Variants in JAM3 observed in about 807,000 individuals in gnomAD.
JAM3 encodes junctional adhesion molecule 3, also known as junctional adhesion molecule C.
JAM3 carries 31 observed loss-of-function variants against 39.4 expected under a neutral mutation model. The observed-to-expected ratio is 0.79, with a 90% CI of 0.59 to 1.06. The LOEUF (loss-of-function observed/expected upper bound fraction) is 1.06, where lower values mean the gene tolerates loss of function less well. Among genes scored for constraint, JAM3 ranks in the 50% least tolerant of loss-of-function variants. The probability of loss-of-function intolerance (pLI) is 0.00; values close to 1 mark genes in which losing one functional copy is unlikely to be tolerated. For synonymous variants in JAM3, 182 were observed against 148.7 expected, an observed-to-expected ratio of 1.22 and a Z score of -1.63; for missense variants, 455 against 391.4, an observed-to-expected ratio of 1.16 and a Z score of -1.37.
intron 1 of JAM3, among the ~76,000 whole-genome samples, chr11:134,117,129 A>T (rs1942450470): frequency 6.6e-6 from 1 of 152,076 alleles, no homozygotes; most frequent in Admixed American, 6.5e-5. Context: ...TGGGAGGCTG[A>T]GGTGGGTGGA....
chr11:134,099,113 A>G (rs1366874138), intron 1 of JAM3, among the ~76,000 whole-genome samples: 1 of 152,054 alleles, frequency 6.6e-6, no homozygotes, highest in Non-Finnish European at 1.5e-5. Flanking sequence ...AAGTGGGAGG[A>G]TTACCTGAGC....
At chr11:134,093,300 C>T (rs927841657) in intron 1 of JAM3, among the ~76,000 whole-genome samples, 1 of 136,132 alleles carries the variant, frequency 7.3e-6, no homozygotes, top group Non-Finnish European at 1.6e-5. Flanking sequence ...TTCCACCTTA[C>T]ATCTTATTCA....
At chr11:134,145,397 G>A (rs894273593) in intron 5 of JAM3, 1 of 335,994 alleles carries the variant, frequency 3.0e-6, no homozygotes, top group African/African-American at 2.1e-5. Context: ...GTCTTGTAGA[G>A]ATACTGAAGT....
chr11:134,091,585 G>A (rs747183615), intron 1 of JAM3, among the ~76,000 whole-genome samples: 2 of 151,372 alleles, frequency 1.3e-5, no homozygotes, highest in African/African-American at 4.9e-5. Context: ...AGCTACGATT[G>A]TGTCACTGCA....
intron 1 of JAM3, among the ~76,000 whole-genome samples, chr11:134,084,532 A>G (rs184891933): frequency 1.3e-5 from 2 of 152,258 alleles, no homozygotes; most frequent in African/African-American, 4.8e-5. Context: ...ATTCATGTGA[A>G]GTGCTTAGCA....
chr11:134,111,886 A>G (rs1942318996), intron 1 of JAM3, among the ~76,000 whole-genome samples: 1 of 152,182 alleles, frequency 6.6e-6, no homozygotes, highest in Non-Finnish European at 1.5e-5. Context: ...CTCAGTTATA[A>G]TGGAAGCCCA....
chr11:134,117,477 C>T (rs1942458971), intron 1 of JAM3, among the ~76,000 whole-genome samples: 1 of 152,204 alleles, frequency 6.6e-6, no homozygotes, highest in Admixed American at 6.5e-5. Context: ...GCAGTCTGTT[C>T]TACCTCAGGA....
intron 1 of JAM3, among the ~76,000 whole-genome samples, chr11:134,092,640 A>G (rs1366923436): frequency 1.3e-4 from 16 of 125,402 alleles, no homozygotes; most frequent in South Asian, 2.9e-4. Flanking sequence ...CATCTTATTC[A>G]TCATGTTCCA....
At position 134,084,328 on chromosome 11, in the gene JAM3, A is replaced by T. The variant is rs1941712336; in HGVS notation, c.76+15169A>T. 2.0e-5 allele frequency among the ~76,000 whole-genome samples: 3 copies of T among 152,232 alleles called. No homozygotes were observed. The South Asian group carries it at 6.2e-4, about 32-fold the overall frequency. ...ATTCCTATCATGAAGGAGCATAGCT[A>T]GACCGAGGTTTGAATCTCATCTCCG... On this transcript the variant is annotated intron_variant, in intron 1 of 8. Coordinates refer to ENST00000299106, the MANE Select transcript of JAM3 (RefSeq NM_032801.5).
intron 5 of JAM3, 46 bp downstream of exon 5, chr11:134,145,040 G>A (rs1591808464): frequency 7.1e-7 from 1 of 1,414,210 alleles, no homozygotes; most frequent in East Asian, 2.3e-5. Context: ...CTTTGTTGGG[G>A]CAAGAGATGC....
chr11:134,103,545 C>T (rs1008332139), intron 1 of JAM3, among the ~76,000 whole-genome samples: 1 of 152,152 alleles, frequency 6.6e-6, no homozygotes, highest in African/African-American at 2.4e-5. Flanking sequence ...GCTAAATGCT[C>T]CAATTAAAAG....
chr11:134,111,651 A>G (rs918446934), intron 1 of JAM3, among the ~76,000 whole-genome samples: 1 of 152,176 alleles, frequency 6.6e-6, no homozygotes, highest in Non-Finnish European at 1.5e-5. Flanking sequence ...ATGAGACCCT[A>G]CAATGTACCA....
At chr11:134,114,269 C>T (rs546885564) in intron 1 of JAM3, among the ~76,000 whole-genome samples, 148 of 152,322 alleles carry the variant, frequency 9.7e-4, no homozygotes, top group Middle Eastern at 3.4e-3. Flanking sequence ...AGTCCTTGCC[C>T]ATGCCTATGT....
intron 1 of JAM3, among the ~76,000 whole-genome samples, chr11:134,075,969 AT>A (rs1941562335): frequency 6.6e-6 from 1 of 151,530 alleles, no homozygotes. Context: ...TTCTTTATTC[AT>A]TTTTGTTTTA....
At chr11:134,116,189 ATAAT>A (rs757478758) in intron 1 of JAM3, among the ~76,000 whole-genome samples, 74 of 152,302 alleles carry the variant, frequency 4.9e-4, no homozygotes, top group Non-Finnish European at 7.1e-4. Context: ...AATTACCATA[ATAAT>A]TAATAAATAT....
Position 134,078,222 on chromosome 11 carries a change from C to T in JAM3, c.76+9063C>T, listed in dbSNP as rs371232808. Among the ~76,000 whole-genome samples the T allele has an allele frequency of 2.9e-3, 444 of 151,710 alleles. 3 individuals are homozygous for T. Among genetic ancestry groups the T allele is most frequent in the African/African-American group, 9.9e-3 (408 of 41,372 alleles). On this transcript the variant is annotated intron_variant, in intron 1 of 8. Transcript: ENST00000299106. ...GCAACCACCACCTTCCAAGTTCAAG[C>T]GATTCTCCCGCCTCAGCCTCCTGAG...
chr11:134,144,204 T>A (rs1361919012), intron 3 of JAM3, 37 bp from the exon 4 acceptor site: 2 of 1,613,644 alleles, frequency 1.2e-6, no homozygotes, highest in African/African-American at 2.7e-5. Context: ...AAGATTTCTT[T>A]AAAGAAGTTT....
intron 6 of JAM3, chr11:134,148,156 G>A (rs1943113265): frequency 3.8e-6 from 1 of 262,194 alleles, no homozygotes; most frequent in Non-Finnish European, 7.3e-6. Context: ...CTGCAACAAA[G>A]GGAGGCCCTG....
chr11:134,082,332 T>G (rs1278874616), intron 1 of JAM3, among the ~76,000 whole-genome samples: 3 of 152,204 alleles, frequency 2.0e-5, no homozygotes, highest in Non-Finnish European at 4.4e-5. Context: ...TTTGGGGGAC[T>G]GTTGGGAAGG....
Sources: allele counts gnomAD v4.1 joint callset (sites outside exome capture counted in the v4.1 genomes callset), GRCh38; gene constraint gnomAD v4.1.1; transcripts MANE v1.5; gene names NCBI Gene and HGNC (gene_info 2026-07-23, HGNC 2026-07-21).